The following KLHL12 variants were observed in gnomAD, a reference collection of about 807,000 sequenced individuals.
KLHL12 encodes kelch like family member 12.
In KLHL12, 17 loss-of-function variants were observed where a neutral mutation model predicts 60.8. That is an observed-to-expected ratio of 0.28 (90% confidence interval 0.19 to 0.42). The LOEUF (loss-of-function observed/expected upper bound fraction) is 0.42. KLHL12 is among the 10% of genes least tolerant of loss of function. KLHL12 has a pLI of 1.00. For missense variants in KLHL12, 468 were observed against 722.3 expected (o/e 0.65, Z 4.04); for synonymous variants, 220 against 250.9 (o/e 0.88, Z 1.16).
intron 6 of KLHL12, among the ~76,000 whole-genome samples, chr1:202,897,166 A>G (rs1421015586): frequency 1.3e-5 from 2 of 151,868 alleles, no homozygotes; most frequent in Admixed American, 1.3e-4. Flanking sequence ...CTGAAACTTA[A>G]ATTTCTGGAC....
intron 6 of KLHL12, among the ~76,000 whole-genome samples, chr1:202,904,562 T>G (rs1660125220): frequency 6.6e-6 from 1 of 152,220 alleles, no homozygotes; most frequent in East Asian, 1.9e-4. Flanking sequence ...GAAGCCTGTT[T>G]GTTCTCTGCC....
At position 202,891,177 on chromosome 1, in the gene KLHL12, T is replaced by C. The variant is rs1224815064; in HGVS notation, c.*1356A>G. 1 of 152,594 alleles carries C rather than the reference T, an allele frequency of 6.6e-6. No individual in the cohort carries two copies. Among genetic ancestry groups the C allele is most frequent in the African/African-American group, 2.4e-5 (1 of 41,446 alleles). The allele number at this position is 152,594 out of a possible 1,614,324, so 9.5% of individuals were successfully genotyped here. On this transcript the variant is annotated 3_prime_UTR_variant, in exon 12 of 12. Transcript: ENST00000367261. ...AAAAATACAAAGGAAATTAACTCTG[T>C]AGGTCAATACAACTCAGGGAAAGAG...
intron 6 of KLHL12, among the ~76,000 whole-genome samples, chr1:202,901,171 T>A (rs1484502175): frequency 6.6e-6 from 1 of 152,240 alleles, no homozygotes; most frequent in African/African-American, 2.4e-5. Context: ...CTGACAGTAC[T>A]TCCTGTTGGC....
intron 8 of KLHL12, 49 bp from the exon 9 acceptor site, chr1:202,894,798 A>C (rs1659781822): frequency 2.0e-6 from 3 of 1,500,652 alleles, no homozygotes; most frequent in African/African-American, 2.8e-5. Flanking sequence ...AGAGATTTCT[A>C]AGAACTCTTT....
At chr1:202,912,460 T>C (rs2102438467) in intron 4 of KLHL12, 2 of 825,018 alleles carry the variant, frequency 2.4e-6, no homozygotes, top group Non-Finnish European at 4.2e-6. Flanking sequence ...ATGACAGCCG[T>C]GGTGGTGGTG....
Position 202,920,040 on chromosome 1 carries a change from G to C in KLHL12, c.196-132C>G, listed in dbSNP as rs554529231. 8 of 826,002 alleles carry C rather than the reference G, an allele frequency of 9.7e-6. No homozygotes were observed. The Admixed American group carries it at 1.7e-4, about 18-fold the overall frequency. The allele number at this position is 826,002 out of a possible 1,614,324, so 51.2% of individuals were successfully genotyped here. ...TATCTTTAAAAATTACAGGCCAGGCGTGGTGGCTCATGCCTGTAATCCCAG... is the reference window on the plus strand; with the variant it reads ...TATCTTTAAAAATTACAGGCCAGGCCTGGTGGCTCATGCCTGTAATCCCAG... On this transcript the variant is annotated intron_variant, in intron 2 of 11. Coordinates refer to ENST00000367261, the MANE Select transcript of KLHL12 (RefSeq NM_021633.4).
At chr1:202,927,967 G>A (rs1249379348), upstream of KLHL12, among the ~76,000 whole-genome samples, 1 of 118,448 alleles carries the variant, frequency 8.4e-6, no homozygotes, top group African/African-American at 3.3e-5. Flanking sequence ...GCGACCGACT[G>A]AGACTCTGTC....
At chr1:202,925,625 G>A (rs1380417109) in intron 1 of KLHL12, among the ~76,000 whole-genome samples, 1 of 152,096 alleles carries the variant, frequency 6.6e-6, no homozygotes, top group African/African-American at 2.4e-5. Context: ...AGAGGATCCT[G>A]CTTTATATGT....
In KLHL12 at chr1:202,917,440, T is replaced by C. The variant is rs1324931367; in HGVS notation, c.567+731A>G. Among the ~76,000 whole-genome samples, 10 of 76,348 alleles carry C rather than the reference T, an allele frequency of 1.3e-4. No homozygotes were observed. The East Asian group carries it at 2.7e-3, about 20-fold the overall frequency. The allele number at this position is 76,348 out of a possible 152,430, so 50.1% of individuals were successfully genotyped here. On this transcript the variant is annotated intron_variant, in intron 4 of 11. Transcript: ENST00000367261. ...GTTGCCCAGGCTAGTATCAAACTCC[T>C]GGACACAAGCAGTTCTGCCTCAGCC...
intron 6 of KLHL12, among the ~76,000 whole-genome samples, chr1:202,899,533 G>A (rs1438953606): frequency 1.3e-5 from 2 of 152,058 alleles, no homozygotes; most frequent in East Asian, 1.9e-4. Context: ...CAGCTCCTTC[G>A]AAAATCAAAG....
chr1:202,899,161 A>G (rs1659929404), intron 6 of KLHL12, among the ~76,000 whole-genome samples: 1 of 151,936 alleles, frequency 6.6e-6, no homozygotes, highest in Non-Finnish European at 1.5e-5. Flanking sequence ...AAAAATACAA[A>G]AATTAGCTGA....
chr1:202,912,619 A>G, intron 4 of KLHL12: 1 of 1,341,466 alleles, frequency 7.5e-7, no homozygotes, highest in Non-Finnish European at 1.1e-6. Context: ...TTGGAGGCAG[A>G]AGCTCTGGGC....
chr1:202,897,241 T>A (rs147899668), intron 6 of KLHL12, among the ~76,000 whole-genome samples: 3,669 of 146,664 alleles, frequency 0.025, 170 homozygotes, highest in African/African-American at 0.087. Context: ...TTTTTTTTTT[T>A]TTTTTTTTTT....
At chr1:202,894,393 A>C (rs2102405854) in intron 9 of KLHL12, 111 bp from the exon 10 acceptor site, 1 of 909,238 alleles carries the variant, frequency 1.1e-6, no homozygotes. Flanking sequence ...TTCCCACAAG[A>C]GTTCCAATAA....
Position 202,911,133 on chromosome 1 carries a change from T to G in KLHL12, c.638A>C (p.Glu213Ala), listed in dbSNP as rs757726980. Residue 213 changes from glutamate (E) to alanine (A), a missense_variant, in exon 5 of 12, where the codon GAA becomes GCA. This residue lies in a region of KLHL12 where 339 missense variants were observed against 525.0 expected (regional missense o/e 0.65). Coordinates refer to ENST00000367261, the MANE Select transcript of KLHL12 (RefSeq NM_021633.4). ...WVKHAKKERE[E>A]SLPNLLQYVR... Reference sequence around the variant, plus strand: ...ATACTGTAGCAGGTTAGGCAAGGATTCTTCCCGCTCTTTCTTGGCATGCTT... The same window carrying G: ...ATACTGTAGCAGGTTAGGCAAGGATGCTTCCCGCTCTTTCTTGGCATGCTT... 70 of 1,614,040 alleles carry G rather than the reference T, an allele frequency of 4.3e-5. No individual in the cohort carries two copies. Among genetic ancestry groups the G allele is most frequent in the Non-Finnish European group, 5.8e-5 (68 of 1,180,026 alleles).
rs1266538595 is a variant in KLHL12 at position 202,906,465 on chromosome 1, A to G, written c.832+2545T>C. ...AGCAACGCTTCGTCTCAAAAAAAAA[A>G]AAAAAAAAAAAAAAGTTCCTACCCT... On this transcript the variant is annotated intron_variant, in intron 6 of 11. Transcript: ENST00000367261. Among the ~76,000 whole-genome samples, 4 of 150,698 alleles carry G rather than the reference A, an allele frequency of 2.7e-5. No homozygotes were observed. In the East Asian group the frequency reaches 7.9e-4, roughly 30 times the overall value.
chr1:202,902,437 AAAC>A (rs1308682707), intron 6 of KLHL12, among the ~76,000 whole-genome samples: 1 of 151,958 alleles, frequency 6.6e-6, no homozygotes, highest in African/African-American at 2.4e-5. Context: ...CCAAAAAAAA[AAAC>A]ACCAAAAACA....
intron 6 of KLHL12, among the ~76,000 whole-genome samples, chr1:202,907,805 G>C (rs1660240626): frequency 6.6e-6 from 1 of 151,908 alleles, no homozygotes; most frequent in Non-Finnish European, 1.5e-5. Context: ...CTACTTGGGA[G>C]GCTGAGGTGG....
At chr1:202,906,147 T>C (rs1571525721) in intron 6 of KLHL12, among the ~76,000 whole-genome samples, 1 of 144,900 alleles carries the variant, frequency 6.9e-6, no homozygotes, top group African/African-American at 2.6e-5. Flanking sequence ...AAATAATAAT[T>C]ATTTTTTAAA....
Sources: allele counts gnomAD v4.1 joint callset (sites outside exome capture counted in the v4.1 genomes callset), GRCh38; gene constraint gnomAD v4.1.1; regional missense constraint gnomAD v4.1.1; transcripts MANE v1.5; gene names NCBI Gene and HGNC (gene_info 2026-07-23, HGNC 2026-07-21).